The following TBC1D22A variants were observed in gnomAD, a reference collection of about 807,000 sequenced individuals.
TBC1D22A encodes the protein TBC1 domain family member 22A.
A neutral mutation model predicts 60.2 loss-of-function variants in TBC1D22A; 38 were observed. The ratio of observed to expected loss-of-function variants is 0.63; its 90% confidence interval spans 0.49 to 0.83. The LOEUF is 0.83. Ranked by LOEUF, TBC1D22A falls within the 40% of genes least tolerant of loss-of-function variation. The pLI, the probability that TBC1D22A is intolerant of heterozygous loss-of-function variation, is 0.00. For synonymous variants in TBC1D22A, 302 were observed against 281.7 expected (o/e 1.07, Z -0.72); for missense variants, 628 against 701.0 (o/e 0.90, Z 1.18).
chr22:46,911,273 T>C (rs1456639635), intron 7 of TBC1D22A, among the ~76,000 whole-genome samples: 2 of 152,162 alleles, frequency 1.3e-5, no homozygotes, highest in African/African-American at 4.8e-5. Flanking sequence ...CGTGCCTGAA[T>C]GCCTGCTGAG....
At chr22:46,786,982 G>A (rs961741860) in intron 1 of TBC1D22A, among the ~76,000 whole-genome samples, 1 of 152,082 alleles carries the variant, frequency 6.6e-6, no homozygotes, top group Non-Finnish European at 1.5e-5. Context: ...CAGTGTGCCC[G>A]GCCTCTAATT....
intron 7 of TBC1D22A, among the ~76,000 whole-genome samples, chr22:46,909,456 T>G (rs2069741076): frequency 6.6e-6 from 1 of 152,122 alleles, no homozygotes; most frequent in African/African-American, 2.4e-5. Context: ...GGATGCCGTG[T>G]GGCGACAGAG....
At chr22:47,050,266 G>A (rs1603173018) in intron 11 of TBC1D22A, among the ~76,000 whole-genome samples, 3 of 152,224 alleles carry the variant, frequency 2.0e-5, no homozygotes, top group African/African-American at 7.2e-5. Context: ...CGGCCCCCCA[G>A]GGTGCTGGGA....
At chr22:46,851,548 G>T (rs1057261876) in intron 4 of TBC1D22A, among the ~76,000 whole-genome samples, 1 of 152,252 alleles carries the variant, frequency 6.6e-6, no homozygotes, top group Non-Finnish European at 1.5e-5. Flanking sequence ...TGTTTGAAAC[G>T]GTTTGCCTTG....
intron 9 of TBC1D22A, among the ~76,000 whole-genome samples, chr22:46,992,857 C>T (rs111855896): frequency 6.6e-6 from 1 of 151,658 alleles, no homozygotes; most frequent in African/African-American, 2.4e-5. Context: ...GGAAGGGAGT[C>T]TTAAGAGTTG....
chr22:46,961,027 A>C (rs889619890), intron 8 of TBC1D22A, among the ~76,000 whole-genome samples: 46 of 151,806 alleles, frequency 3.0e-4, no homozygotes, highest in Non-Finnish European at 4.4e-4. Flanking sequence ...AAGAAAAAAA[A>C]AAAACAAAAC....
intron 4 of TBC1D22A, among the ~76,000 whole-genome samples, chr22:46,862,958 T>G (rs1470075051): frequency 6.6e-6 from 1 of 152,112 alleles, no homozygotes; most frequent in Non-Finnish European, 1.5e-5. Context: ...GTAGGTAGAG[T>G]GTCTCTGGTC....
chr22:46,936,767 G>T (rs1297033016), intron 8 of TBC1D22A, among the ~76,000 whole-genome samples: 5 of 152,212 alleles, frequency 3.3e-5, no homozygotes, highest in Admixed American at 3.3e-4. Flanking sequence ...TACCAGGCTG[G>T]CAAGGAGCAG....
intron 8 of TBC1D22A, among the ~76,000 whole-genome samples, chr22:46,922,564 G>A (rs2070818245): frequency 6.6e-6 from 1 of 152,140 alleles, no homozygotes; most frequent in African/African-American, 2.4e-5. Context: ...CTATCCATGA[G>A]CATAGAATGG....
chr22:46,946,996 G>A (rs1460400855), intron 8 of TBC1D22A, among the ~76,000 whole-genome samples: 2 of 152,268 alleles, frequency 1.3e-5, no homozygotes, highest in South Asian at 2.1e-4. Context: ...ATATTGAGCC[G>A]TGGCCTTCTC....
Position 46,814,389 on chromosome 22 carries a change from G to A in TBC1D22A, c.637+16769G>A, listed in dbSNP as rs532660978. Among the ~76,000 whole-genome samples the A allele has an allele frequency of 4.6e-5, 7 of 152,252 alleles. No individual in the cohort carries two copies. The South Asian group carries it at 6.2e-4, about 14-fold the overall frequency. On this transcript the variant is annotated intron_variant, in intron 4 of 12. Transcript: ENST00000337137. ...ATGCCTGACATTCCAAGATTTTGAC[G>A]TCACAGAGCCAGGGCTCAAACTTAG...
intron 1 of TBC1D22A, among the ~76,000 whole-genome samples, chr22:46,787,418 C>G (rs2084207063): frequency 6.6e-6 from 1 of 152,168 alleles, no homozygotes; most frequent in Non-Finnish European, 1.5e-5. Flanking sequence ...GTGGCGGCTC[C>G]TGCGTCTCCC....
chr22:46,795,823 G>C (rs1238347060), intron 3 of TBC1D22A, among the ~76,000 whole-genome samples: 1 of 152,210 alleles, frequency 6.6e-6, no homozygotes, highest in African/African-American at 2.4e-5. Flanking sequence ...CATTTCTGAA[G>C]ATCACAGGGA....
Position 47,007,844 on chromosome 22 carries a change from A to G in TBC1D22A, c.1201+10135A>G, listed in dbSNP as rs376955191. Among the ~76,000 whole-genome samples, 6 of 152,334 alleles carry G rather than the reference A, an allele frequency of 3.9e-5. No individual in the cohort carries two copies. The South Asian group carries it at 1.2e-3, about 32-fold the overall frequency. ...TTCCTTAGAAGCCCCATCTCCAGAT[A>G]CAGCCACACTGTGTGTTAGGGCTTC... On this transcript the variant is annotated intron_variant, in intron 10 of 12. Transcript: ENST00000337137.
chr22:46,897,397 A>G (rs1285385480), intron 7 of TBC1D22A, among the ~76,000 whole-genome samples: 1 of 152,116 alleles, frequency 6.6e-6, no homozygotes, highest in Non-Finnish European at 1.5e-5. Context: ...GAAGCACCCT[A>G]TGCAAATGTC....
intron 10 of TBC1D22A, among the ~76,000 whole-genome samples, chr22:47,008,559 T>TATCTGCCCACCTGCTGTGCAGAGC (rs1242687186): frequency 1.3e-5 from 2 of 152,232 alleles, no homozygotes; most frequent in Non-Finnish European, 2.9e-5. Flanking sequence ...GTGTCCAGTG[T>TATCTGCCCACCTGCTGTGCAGAGC]ATCTGCCCAC....
rs369864805 is a variant in TBC1D22A at position 47,028,885 on chromosome 22, CCAGAGTTGGTGT to C, written c.1202-8181_1202-8170del. On this transcript the variant is annotated intron_variant, in intron 10 of 12. Coordinates refer to ENST00000337137, the MANE Select transcript of TBC1D22A (RefSeq NM_014346.5). The surrounding 1 kb of genome is among the most constrained non-coding windows in gnomAD (Gnocchi z 4.4). ...ACCGCACGATCCTGACACTAACATC[CCAGAGTTGGTGT>C]CAGACTCTATGAGCTAAGGGCTCAG... Among the ~76,000 whole-genome samples the C allele has an allele frequency of 5.4e-3, 819 of 152,250 alleles. 8 individuals carry two copies. Among genetic ancestry groups the C allele is most frequent in the African/African-American group, 0.018 (736 of 41,532 alleles).
chr22:47,049,150 CGTT>C (rs1288033722), intron 11 of TBC1D22A, among the ~76,000 whole-genome samples: 2 of 152,212 alleles, frequency 1.3e-5, no homozygotes, highest in East Asian at 1.9e-4. Flanking sequence ...GCCGGGTACA[CGTT>C]GTGCTCTTCC....
chr22:47,172,485 G>T (rs1020465225), intron 12 of TBC1D22A, among the ~76,000 whole-genome samples: 22 of 152,312 alleles, frequency 1.4e-4, no homozygotes, highest in South Asian at 1.0e-3. Flanking sequence ...TATAATTGTT[G>T]CTTATTCCCT....
Sources: gnomAD v4.1 joint callset for allele counts (sites outside exome capture counted in the v4.1 genomes callset) on GRCh38, gnomAD v4.1.1 for gene constraint, Gnocchi (gnomAD v3.1) non-coding constraint, MANE v1.5 for transcripts, NCBI Gene and HGNC (gene_info 2026-07-23, HGNC 2026-07-21) for gene names.